Variants in CTNND1 observed in about 807,000 individuals in gnomAD.
CTNND1 encodes the protein catenin delta-1.
Under a neutral mutation model 112.1 loss-of-function variants are expected in CTNND1, and 16 were observed. The observed-to-expected ratio is 0.14, with a 90% CI of 0.10 to 0.22. The LOEUF (loss-of-function observed/expected upper bound fraction) is 0.22, where lower values mean the gene tolerates loss of function less well. Ranked by LOEUF, CTNND1 falls within the 10% of genes least tolerant of loss-of-function variation. The pLI is 1.00. For synonymous variants in CTNND1, 420 were observed against 446.5 expected (o/e 0.94, Z 0.75); for missense variants, 1,008 against 1,257.0 (o/e 0.80, Z 3.00).
rs145411496 is a variant in CTNND1 at position 57,818,605 on chromosome 11, A to G, written c.*2297A>G. On this transcript the variant is annotated 3_prime_UTR_variant, in exon 21 of 21. Transcript: ENST00000399050. The stretch of plus-strand genomic sequence containing the variant: ...CTCAGCCCCAACTCTTTATCAAGCA[A>G]CATTCTTGTTAACTATATGTGAAAC... 5.5e-3 allele frequency: 838 copies of G among 152,462 alleles called. 8 individuals carry two copies. Among genetic ancestry groups the G allele is most frequent in the Non-Finnish European group, 7.3e-3 (498 of 68,018 alleles). 9.4% of individuals were successfully genotyped at this position (152,462 alleles called of 1,614,324 possible).
chr11:57,769,679 T>C (rs961465472), intron 1 of CTNND1, among the ~76,000 whole-genome samples: 2 of 152,138 alleles, frequency 1.3e-5, no homozygotes, highest in Non-Finnish European at 2.9e-5. Context: ...CCTTAGGTCT[T>C]CATGGGCGTT....
At chr11:57,770,678 G>T (rs995488540) in intron 1 of CTNND1, among the ~76,000 whole-genome samples, 3 of 151,766 alleles carry the variant, frequency 2.0e-5, no homozygotes, top group African/African-American at 7.3e-5. Context: ...TAAAAAAAAA[G>T]AAAAGAAAAG....
At chr11:57,810,005 C>A in intron 15 of CTNND1, 104 bp from the exon 16 acceptor site, 1 of 760,892 alleles carries the variant, frequency 1.3e-6, no homozygotes. Flanking sequence ...GCCACTGTGC[C>A]CTGCCCCTGG....
rs528073565 is a variant in CTNND1, at chr11:57,782,428, C to G, written c.-213-6609C>G. Among the ~76,000 whole-genome samples, 7 of 152,274 alleles carry G rather than the reference C, an allele frequency of 4.6e-5. No homozygotes were observed. The South Asian group carries it at 1.5e-3, about 32-fold the overall frequency. On this transcript the variant is annotated intron_variant, in intron 1 of 20. Transcript: ENST00000399050. Reference sequence around the variant, plus strand: ...GTTTAATTGAACAAAGAACAGTTCACTAATTGGGGAGCCTTCTGAGCCACA... The same window carrying G: ...GTTTAATTGAACAAAGAACAGTTCAGTAATTGGGGAGCCTTCTGAGCCACA...
At chr11:57,763,277 GA>G (rs897487746) in intron 1 of CTNND1, among the ~76,000 whole-genome samples, 1 of 151,842 alleles carries the variant, frequency 6.6e-6, no homozygotes, top group Admixed American at 6.6e-5. Flanking sequence ...TTCTCTTTTT[GA>G]AAATGTGAAT....
intron 5 of CTNND1, among the ~76,000 whole-genome samples, chr11:57,796,223 A>G (rs2061346757): frequency 6.6e-6 from 1 of 151,916 alleles, no homozygotes; most frequent in Admixed American, 6.6e-5. Flanking sequence ...CGTCTCTACT[A>G]AAAATACAAA....
chr11:57,775,201 T>C (rs1164830515), intron 1 of CTNND1, among the ~76,000 whole-genome samples: 1 of 151,768 alleles, frequency 6.6e-6, no homozygotes, highest in African/African-American at 2.4e-5. Flanking sequence ...TGGATGGTTA[T>C]TTAGTTAAGG....
At chr11:57,765,720 G>C (rs575014049) in intron 1 of CTNND1, among the ~76,000 whole-genome samples, 1 of 151,920 alleles carries the variant, frequency 6.6e-6, no homozygotes, top group Non-Finnish European at 1.5e-5. Context: ...CTCCTACCTC[G>C]GCCTCCTAAA....
At chr11:57,780,356 G>A (rs368843052) in intron 1 of CTNND1, among the ~76,000 whole-genome samples, 1 of 151,930 alleles carries the variant, frequency 6.6e-6, no homozygotes, top group East Asian at 1.9e-4. Flanking sequence ...CTCCTGGCCC[G>A]AAGAATGACT....
intron 4 of CTNND1, among the ~76,000 whole-genome samples, chr11:57,794,420 C>T (rs183062763): frequency 2.6e-5 from 4 of 152,132 alleles, no homozygotes; most frequent in Admixed American, 6.5e-5. Flanking sequence ...GCCTTTTAGA[C>T]GGTATCTGAA....
In CTNND1 at chr11:57,796,517, G is replaced by T. The variant is rs1436618007; in HGVS notation, c.481G>T (p.Asp161Tyr). ...AGTACAGCCAGTCGCTATGGGACCAGACGGGTTGCCTGTGGATGCTTCATC... is the reference window on the plus strand; with the variant it reads ...AGTACAGCCAGTCGCTATGGGACCATACGGGTTGCCTGTGGATGCTTCATC... ...RTVQPVAMGP[D>Y]GLPVDASSVS... The change falls in exon 6 of 21, where the codon GAC (aspartate) becomes TAC (tyrosine). Residue 161 changes from aspartate (D) to tyrosine (Y), a missense_variant. Transcript: ENST00000399050. 1 of 1,613,982 alleles carries T rather than the reference G, an allele frequency of 6.2e-7. No individual in the cohort carries two copies. Among genetic ancestry groups the T allele is most frequent in the South Asian group, 1.1e-5 (1 of 91,076 alleles).
At chr11:57,771,933 TTTC>T (rs1246794634) in intron 1 of CTNND1, among the ~76,000 whole-genome samples, 2 of 151,986 alleles carry the variant, frequency 1.3e-5, no homozygotes, top group Non-Finnish European at 2.9e-5. Context: ...AATTTTTCTT[TTTC>T]TTTTTTTTTT....
intron 20 of CTNND1, 39 bp from the exon 21 acceptor site, chr11:57,816,258 A>G (rs2063978698): frequency 6.2e-7 from 1 of 1,613,118 alleles, no homozygotes; most frequent in South Asian, 1.1e-5. Flanking sequence ...CTTAATCCCA[A>G]CCCCATTAAC....
At chr11:57,772,544 C>T (rs958570436) in intron 1 of CTNND1, among the ~76,000 whole-genome samples, 2 of 152,120 alleles carry the variant, frequency 1.3e-5, no homozygotes, top group African/African-American at 2.4e-5. Context: ...AGATGATTAT[C>T]CCTGAAACTA....
chr11:57,798,344 CA>C (rs71061542), intron 6 of CTNND1, among the ~76,000 whole-genome samples: 91,656 of 105,748 alleles, frequency 0.87, 39,547 homozygotes, highest in Middle Eastern at 0.94. Flanking sequence ...GAGACTGTCT[CA>C]AAAAAAAAAA....
rs964322238 is a variant in CTNND1 at position 57,818,955 on chromosome 11, T to A, written c.*2647T>A. On this transcript the variant is annotated 3_prime_UTR_variant, in exon 21 of 21. Coordinates refer to ENST00000399050, the MANE Select transcript of CTNND1 (RefSeq NM_001085458.2). ...TGCTTCTCAGGCTATATGCAGTCCT[T>A]TAGTCAGAAGTCAATAGGCCTATTT... The A allele has an allele frequency of 6.6e-6, 1 of 152,186 alleles. No individual in the cohort carries two copies. The highest frequency in any genetic ancestry group is 2.4e-5 in the African/African-American group (1 of 41,438). The allele number at this position is 152,186 out of a possible 1,614,324, so 9.4% of individuals were successfully genotyped here.
In CTNND1 at chr11:57,795,602, C is replaced by T. The variant is rs371716100; in HGVS notation, c.293C>T (p.Thr98Ile). 1.1e-5 allele frequency: 17 copies of T among 1,611,694 alleles called. No homozygotes were observed. The highest frequency in any genetic ancestry group is 1.4e-5 in the Non-Finnish European group (17 of 1,179,174). ...PQDHSHLLYS[T>I]IPRMQEPGQI... ...GATCACAGTCACCTTCTATATAGCA[C>T]CATCCCCAGGATGCAGGAGCCGGGG... The change falls in exon 5 of 21, where the codon ACC becomes ATC. Residue 98 changes from threonine to isoleucine, a missense_variant. Thr to Ile is a moderately conservative substitution (Grantham distance 89). Around this residue, in one of 5 missense-constraint regions of CTNND1, gnomAD observed 404 missense variants for 457.9 expected, o/e 0.88. Transcript: ENST00000399050.
intron 6 of CTNND1, among the ~76,000 whole-genome samples, chr11:57,799,755 A>G (rs541673052): frequency 1.3e-5 from 2 of 152,336 alleles, no homozygotes; most frequent in East Asian, 3.9e-4. Context: ...AATTTTGTAT[A>G]TTAATAATAG....
intron 6 of CTNND1, among the ~76,000 whole-genome samples, chr11:57,801,023 T>C (rs1005260945): frequency 6.6e-6 from 1 of 152,194 alleles, no homozygotes; most frequent in African/African-American, 2.4e-5. Flanking sequence ...TCTTTAGAAA[T>C]TGGAGGATGG....
Sources: gnomAD v4.1 joint callset for allele counts (sites outside exome capture counted in the v4.1 genomes callset) on GRCh38, gnomAD v4.1.1 for gene constraint, gnomAD v4.1.1 regional missense constraint, MANE v1.5 for transcripts, NCBI Gene and HGNC (gene_info 2026-07-23, HGNC 2026-07-21) for gene names.